The following TCF7L2 variants were observed in gnomAD, a reference collection of about 807,000 sequenced individuals.
TCF7L2 encodes the protein transcription factor 7-like 2.
TCF7L2 carries 23 observed loss-of-function variants against 77.9 expected under a neutral mutation model. The ratio of observed to expected loss-of-function variants is 0.30; its 90% confidence interval spans 0.21 to 0.42. The LOEUF (loss-of-function observed/expected upper bound fraction) is 0.42, where lower values mean the gene tolerates loss of function less well. Ranked by LOEUF, TCF7L2 falls within the 10% of genes least tolerant of loss-of-function variation. The pLI is 1.00. For missense variants in TCF7L2, 654 were observed against 793.1 expected (o/e 0.82, Z 2.11); for synonymous variants, 413 against 340.2 (o/e 1.21, Z -2.36).
intron 4 of TCF7L2, among the ~76,000 whole-genome samples, chr10:112,988,210 G>A (rs951014140): frequency 1.3e-5 from 2 of 151,714 alleles, no homozygotes; most frequent in Admixed American, 1.3e-4. Flanking sequence ...CAATTCTCTT[G>A]CCTCAGCCTC....
At chr10:112,996,144 C>T (rs910211140) in intron 4 of TCF7L2, among the ~76,000 whole-genome samples, 1 of 152,096 alleles carries the variant, frequency 6.6e-6, no homozygotes, top group African/African-American at 2.4e-5. Context: ...GCTAGGGGTG[C>T]AGCCTAGGTT....
Position 113,117,402 on chromosome 10 carries a change from T to C in TCF7L2, c.553-23782T>C, listed in dbSNP as rs554654271. 3.7e-3 allele frequency among the ~76,000 whole-genome samples: 203 copies of C among 54,718 alleles called. 1 individual carries two copies. Among genetic ancestry groups the C allele is most frequent in the Middle Eastern group, 0.02 (2 of 102 alleles). 35.9% of individuals were successfully genotyped at this position (54,718 alleles called of 152,430 possible). On this transcript the variant is annotated intron_variant, in intron 5 of 13. Coordinates refer to ENST00000627217, the MANE Select transcript of TCF7L2 (RefSeq NM_001146274.2). ...CTCTCTCTCTCTCTCTCTCTCTCTC[T>C]CTCTCTCTCTCTCTCTCTCTCTCTC...
intron 4 of TCF7L2, among the ~76,000 whole-genome samples, chr10:113,015,417 C>G (rs1461416715): frequency 1.3e-5 from 2 of 151,592 alleles, no homozygotes; most frequent in Non-Finnish European, 2.9e-5. Flanking sequence ...AGGTGTGATC[C>G]TCCTGCTGGG....
rs191598960 is a variant in TCF7L2, at chr10:113,130,808, C to T, written c.553-10376C>T. ...GAGACGGAGTTTCGCTCTTATTACCCAGGCTGGAGTGCAGTGGCGAGATCT... is the reference window on the plus strand; with the variant it reads ...GAGACGGAGTTTCGCTCTTATTACCTAGGCTGGAGTGCAGTGGCGAGATCT... On this transcript the variant is annotated intron_variant, in intron 5 of 13. Transcript: ENST00000627217. Among the ~76,000 whole-genome samples, 423 of 151,966 alleles carry T rather than the reference C, an allele frequency of 2.8e-3. 11 individuals are homozygous for T. Among genetic ancestry groups the T allele is most frequent in the Admixed American group, 0.024 (367 of 15,258 alleles).
chr10:113,079,125 C>G (rs756847118), intron 5 of TCF7L2, among the ~76,000 whole-genome samples: 1 of 152,162 alleles, frequency 6.6e-6, no homozygotes, highest in African/African-American at 2.4e-5. Context: ...TGAGCCAGTG[C>G]GCTGGGCCAG....
chr10:112,983,297 C>T (rs2040845253), intron 4 of TCF7L2, among the ~76,000 whole-genome samples: 1 of 151,792 alleles, frequency 6.6e-6, no homozygotes. Flanking sequence ...CGGTGAAACC[C>T]CGTCTCTACT....
At position 113,158,007 on chromosome 10, in the gene TCF7L2, A is replaced by T. The variant is rs2072326156; in HGVS notation, c.1270-14A>T. ...TTCTTGCAGTAATTCCCTGTGTTTC[A>T]TCTCTTCATCTAGGGAAAGAAGAAG... On this transcript the variant is annotated splice_polypyrimidine_tract_variant and intron_variant, in intron 11 of 13. Transcript: ENST00000627217. 6.3e-7 allele frequency: 1 copy of T among 1,580,578 alleles called. No individual in the cohort carries two copies. The highest frequency in any genetic ancestry group is 8.6e-7 in the Non-Finnish European group (1 of 1,161,786).
chr10:113,036,094 G>A (rs915146931), intron 4 of TCF7L2, among the ~76,000 whole-genome samples: 2 of 146,408 alleles, frequency 1.4e-5, no homozygotes, highest in African/African-American at 2.5e-5. Flanking sequence ...CAACTTTGTC[G>A]CCATATCATC....
chr10:113,151,288 G>A lies in TCF7L2; in HGVS notation c.1001+165G>A, dbSNP rs1299722752. Among the ~76,000 whole-genome samples, 2 of 152,156 alleles carry A rather than the reference G, an allele frequency of 1.3e-5. No individual in the cohort carries two copies. The highest frequency in any genetic ancestry group is 3.9e-4 in the East Asian group (2 of 5,186). On this transcript the variant is annotated intron_variant, in intron 9 of 13. Coordinates refer to ENST00000627217, the MANE Select transcript of TCF7L2 (RefSeq NM_001146274.2). This position sits in a 1 kb window ranked among gnomAD's most constrained non-coding sequence, Gnocchi z 5.2. ...TCACTCCCTTACAAAGAGAGAGAGA[G>A]TGCACAGTGGCAGAATCTCACTGTA...
chr10:113,096,514 G>T (rs1591628572), intron 5 of TCF7L2, among the ~76,000 whole-genome samples: 1 of 152,122 alleles, frequency 6.6e-6, no homozygotes, highest in East Asian at 1.9e-4. Context: ...CCCATCCAGT[G>T]TTCTCTGTCA....
intron 4 of TCF7L2, among the ~76,000 whole-genome samples, chr10:113,039,097 G>C (rs2051943202): frequency 6.6e-6 from 1 of 152,156 alleles, no homozygotes; most frequent in African/African-American, 2.4e-5. Context: ...GAGTGAAACT[G>C]TCTTAATGTT....
intron 4 of TCF7L2, among the ~76,000 whole-genome samples, chr10:112,978,984 T>G (rs1440055392): frequency 6.6e-6 from 1 of 152,204 alleles, no homozygotes; most frequent in African/African-American, 2.4e-5. Flanking sequence ...TTCCACTTTT[T>G]ATCCCTACTC....
At chr10:113,079,137 C>T (rs1201934275) in intron 5 of TCF7L2, among the ~76,000 whole-genome samples, 1 of 152,148 alleles carries the variant, frequency 6.6e-6, no homozygotes, top group Non-Finnish European at 1.5e-5. Context: ...CTGGGCCAGC[C>T]ACAGCAGATT....
Position 113,012,222 on chromosome 10 carries a change from TATAAAACCTGCCCAGGTGA to T in TCF7L2, c.451-27802_451-27784del, listed in dbSNP as rs869026399. On this transcript the variant is annotated intron_variant, in intron 4 of 13. Coordinates refer to ENST00000627217, the MANE Select transcript of TCF7L2 (RefSeq NM_001146274.2). Reference sequence around the variant, plus strand: ...GGAATGCGAGCCATGCACCAGTAGTTATAAAACCTGCCCAGGTGATTCCAAAGTGTGGGAACCTTTGAGA... The same window carrying T: ...GGAATGCGAGCCATGCACCAGTAGTTTTCCAAAGTGTGGGAACCTTTGAGA... Among the ~76,000 whole-genome samples the T allele has an allele frequency of 9.4e-4, 143 of 152,308 alleles. 2 individuals carry two copies. The highest frequency in any genetic ancestry group is 3.2e-3 in the African/African-American group (135 of 41,572).
In TCF7L2 at chr10:113,144,088, C is replaced by CTGTGTGTGTGTG. The variant is rs746047660; in HGVS notation, c.788+74_788+75insGTGTGTGTGTGT. The CTGTGTGTGTGTG allele has an allele frequency of 1.7e-4, 215 of 1,261,976 alleles. 1 individual carries two copies. In the African/African-American group the frequency reaches 3.5e-3, roughly 21 times the overall value. 78.2% of individuals were successfully genotyped at this position (1,261,976 alleles called of 1,614,324 possible). ...TACATGGGCATGTTTATTATTTATT[C>CTGTGTGTGTGTG]TGTGTGTGTGTCTGTGTGTGTGTGT... On this transcript the variant is annotated intron_variant, in intron 7 of 13. Transcript: ENST00000627217.
In TCF7L2 at chr10:113,151,079, C is replaced by G. The variant is rs768731338; in HGVS notation, c.957C>G (p.Val319=). The change falls in exon 9 of 14, where the codon GTC becomes GTG. Residue 319 remains valine (V), a synonymous_variant. Coordinates refer to ENST00000627217, the MANE Select transcript of TCF7L2 (RefSeq NM_001146274.2). This position sits in a 1 kb window ranked among gnomAD's most constrained non-coding sequence, Gnocchi z 5.2. ...ATCCGGCCATAGTCACACCAACAGT[C>G]AAACAGGAATCGTCCCAGAGTGATG... The G allele has an allele frequency of 6.2e-7, 1 of 1,614,194 alleles. No individual in the cohort carries two copies. The highest frequency in any genetic ancestry group is 8.5e-7 in the Non-Finnish European group (1 of 1,180,046).
At chr10:112,969,870 T>C (rs2037847356) in intron 4 of TCF7L2, among the ~76,000 whole-genome samples, 1 of 152,194 alleles carries the variant, frequency 6.6e-6, no homozygotes, top group African/African-American at 2.4e-5. Flanking sequence ...TTGTAGATAA[T>C]GTTTAGGCAT....
Position 113,158,656 on chromosome 10 carries a change from T to C in TCF7L2, c.1318+587T>C. 1 of 1,612,048 alleles carries C rather than the reference T, an allele frequency of 6.2e-7. No individual in the cohort carries two copies. Among genetic ancestry groups the C allele is most frequent in the Non-Finnish European group, 8.5e-7 (1 of 1,179,256 alleles). ...TTTGAAGGCTTTGTATAATTTGTTC[T>C]TTTTTTTCAGAACACAGCGAATGTT... is the stretch of plus-strand genomic sequence containing the variant. On this transcript the variant is annotated intron_variant, in intron 12 of 13. Transcript: ENST00000627217.
chr10:112,961,891 GTA>G (rs1053736306), intron 3 of TCF7L2, among the ~76,000 whole-genome samples: 17 of 146,612 alleles, frequency 1.2e-4, no homozygotes, highest in East Asian at 7.7e-4. Context: ...GCGTGTGCGT[GTA>G]TGTGTGTGTG....
Sources: allele counts gnomAD v4.1 joint callset (sites outside exome capture counted in the v4.1 genomes callset), GRCh38; gene constraint gnomAD v4.1.1; non-coding constraint Gnocchi (gnomAD v3.1); transcripts MANE v1.5; gene names NCBI Gene and HGNC (gene_info 2026-07-23, HGNC 2026-07-21).